CELSR1: variants seen among roughly 807,000 people sequenced by gnomAD.
CELSR1 encodes the protein adhesion G protein-coupled receptor C1.
Under a neutral mutation model 249.1 loss-of-function variants are expected in CELSR1, and 110 were observed. The ratio of observed to expected loss-of-function variants is 0.44; its 90% CI spans 0.38 to 0.52. CELSR1 has a LOEUF of 0.52. CELSR1 is among the 20% of genes least tolerant of loss of function. The pLI is 0.00. For synonymous variants in CELSR1, 2,113 were observed against 1,900.0 expected, an observed-to-expected ratio of 1.11 and a Z score of -2.92; for missense variants, 4,109 against 4,296.4, an observed-to-expected ratio of 0.96 and a Z score of 1.22.
rs1227031298 is a variant in CELSR1 at position 46,411,820 on chromosome 22, G to C, written c.4612-61C>G. 3.7e-6 allele frequency: 6 copies of C among 1,600,256 alleles called. No individual in the cohort carries two copies. The highest frequency in any genetic ancestry group is 4.5e-5 in the East Asian group (2 of 44,810). On this transcript the variant is annotated intron_variant, in intron 5 of 34. Coordinates refer to ENST00000674500, the MANE Select transcript of CELSR1 (RefSeq NM_001378328.1). This position sits in a 1 kb window ranked among gnomAD's most constrained non-coding sequence, Gnocchi z 4.2. ...TTCTCCACCAGTGCCCTCAGCAGGC[G>C]CACCTGTCACTCATAGAGCGAGGAG...
rs2078737093 is a variant in CELSR1 at position 46,364,083 on chromosome 22, G to A, written c.8948C>T (p.Pro2983Leu). 6.2e-7 allele frequency: 1 copy of A among 1,612,348 alleles called. No individual in the cohort carries two copies. Among genetic ancestry groups the A allele is most frequent in the East Asian group, 2.2e-5 (1 of 44,856 alleles). Residue 2983 changes from proline to leucine, a missense_variant, in exon 34 of 35, where the codon CCT becomes CTT. By Grantham distance (98) the Pro-to-Leu change is moderately conservative. Transcript: ENST00000674500. ...GPDCAITVKS[P>L]GREPGRDHLN... is the part of the protein sequence containing the mutation. Reference sequence around the variant, plus strand: ...GTGGTCACGCCCCGGCTCCCTCCCAGGGCTCTTGACTGTGATGGCGCAGTC... The same window carrying A: ...GTGGTCACGCCCCGGCTCCCTCCCAAGGCTCTTGACTGTGATGGCGCAGTC...
chr22:46,450,574 G>A (rs934140838), intron 2 of CELSR1, among the ~76,000 whole-genome samples: 2 of 152,350 alleles, frequency 1.3e-5, no homozygotes, highest in East Asian at 1.9e-4. Context: ...TCACACAGCT[G>A]CATGGGTGGG....
At chr22:46,514,206 T>C (rs534853497) in intron 1 of CELSR1, among the ~76,000 whole-genome samples, 5 of 152,086 alleles carry the variant, frequency 3.3e-5, no homozygotes, top group African/African-American at 9.6e-5. Flanking sequence ...TGACTGTGGG[T>C]CTTTCCCACC....
intron 1 of CELSR1, among the ~76,000 whole-genome samples, chr22:46,531,783 G>C (rs574637284): frequency 6.6e-6 from 1 of 152,188 alleles, no homozygotes; most frequent in Admixed American, 6.5e-5. Flanking sequence ...AAATAAAAGA[G>C]TAAAGAAAAC....
In CELSR1 at chr22:46,391,749, T is replaced by G. The variant is rs1300192369; in HGVS notation, c.6032A>C (p.His2011Pro). Residue 2011 changes from histidine to proline, a missense_variant, in exon 15 of 35, where the codon CAC (histidine) becomes CCC (proline). Physicochemically the swap from His to Pro is moderately conservative, Grantham distance 77 (BLOSUM62 -2). Around this residue, in one of 7 missense-constraint regions of CELSR1, gnomAD observed 1,805 missense variants for 1,831.6 expected, o/e 0.99. Transcript: ENST00000674500. The surrounding 1 kb of genome is among the most constrained non-coding windows in gnomAD (Gnocchi z 4.3). ...GGTGGCCATGTCGCAAGTGCGGCTGTGGGAGCCATGGGGGAAGCAGTCGCA... is the reference window on the plus strand; with the variant it reads ...GGTGGCCATGTCGCAAGTGCGGCTGGGGGAGCCATGGGGGAAGCAGTCGCA... ...LPCDCFPHGS[H>P]SRTCDMATGQ... 6.2e-7 allele frequency: 1 copy of G among 1,612,550 alleles called. No homozygotes were observed.
At chr22:46,466,643 G>T (rs2080099618) in intron 1 of CELSR1, among the ~76,000 whole-genome samples, 1 of 152,176 alleles carries the variant, frequency 6.6e-6, no homozygotes, top group Admixed American at 6.5e-5. Context: ...CTGGGTTTGG[G>T]ACGCTTTGTT....
At chr22:46,501,527 A>G (rs5767230) in intron 1 of CELSR1, among the ~76,000 whole-genome samples, 48,438 of 151,964 alleles carry the variant, frequency 0.32, 8,490 homozygotes, top group African/African-American at 0.47. Flanking sequence ...AGTTTTAAAC[A>G]GACATTTAAA....
intron 20 of CELSR1, among the ~76,000 whole-genome samples, chr22:46,383,200 C>G (rs942780289): frequency 1.3e-5 from 2 of 151,998 alleles, no homozygotes; most frequent in African/African-American, 4.8e-5. Context: ...AAGCATGACC[C>G]CACATCAGAG....
rs141335552 is a variant in CELSR1 at position 46,535,765 on chromosome 22, G to C, written c.1406C>G (p.Pro469Arg). 3.7e-6 allele frequency: 6 copies of C among 1,612,490 alleles called. No individual in the cohort carries two copies. The highest frequency in any genetic ancestry group is 5.1e-6 in the Non-Finnish European group (6 of 1,180,010). ...AGCCGTGTTGAGCCCCACGTCCTCG[G>C]GCACCTGGACCACGTAGTTCTGCTC... ...FSEQNYVVQV[P>R]EDVGLNTAVL... is the part of the protein sequence containing the mutation. The change falls in exon 1 of 35, where the codon CCC (proline) becomes CGC (arginine). Residue 469 changes from proline to arginine, a missense_variant. Physicochemically the swap from Pro to Arg is moderately radical, Grantham distance 103. Coordinates refer to ENST00000674500, the MANE Select transcript of CELSR1 (RefSeq NM_001378328.1).
At chr22:46,453,690 C>T (rs999077524) in intron 2 of CELSR1, among the ~76,000 whole-genome samples, 1 of 152,128 alleles carries the variant, frequency 6.6e-6, no homozygotes, top group Non-Finnish European at 1.5e-5. Flanking sequence ...CCCCCGAGGT[C>T]GTCTGGGTCA....
intron 5 of CELSR1, among the ~76,000 whole-genome samples, chr22:46,422,504 G>C (rs142152284): frequency 1.3e-5 from 2 of 149,568 alleles, no homozygotes; most frequent in African/African-American, 2.5e-5. Flanking sequence ...GAGGCCAAGG[G>C]GGGGCGGATC....
chr22:46,386,746 T>TG (rs2079038388), intron 18 of CELSR1, among the ~76,000 whole-genome samples, 161 bp from the exon 19 acceptor site: 1 of 152,072 alleles, frequency 6.6e-6, no homozygotes, highest in African/African-American at 2.4e-5. Flanking sequence ...TTTTTTGTTT[T>TG]TTGTTGTTTT....
rs1420260693 is a variant in CELSR1, at chr22:46,391,376, C to A, written c.6149-89G>T. The A allele has an allele frequency of 8.4e-7, 1 of 1,184,234 alleles. No individual in the cohort carries two copies. Among genetic ancestry groups the A allele is most frequent in the Non-Finnish European group, 1.2e-6 (1 of 823,222 alleles). 73.4% of individuals were successfully genotyped at this position (1,184,234 alleles called of 1,614,324 possible). ...ACCACTGTCTGCATGCGCCTCCCTG[C>A]AGGAGGCCCTGCTCCCACCAAGAAC... is the stretch of plus-strand genomic sequence containing the variant. On this transcript the variant is annotated intron_variant, in intron 15 of 34. Coordinates refer to ENST00000674500, the MANE Select transcript of CELSR1 (RefSeq NM_001378328.1). The surrounding 1 kb of genome is among the most constrained non-coding windows in gnomAD (Gnocchi z 4.3).
At chr22:46,443,946 A>G (rs1224764621) in intron 2 of CELSR1, among the ~76,000 whole-genome samples, 3 of 152,160 alleles carry the variant, frequency 2.0e-5, no homozygotes, top group Admixed American at 6.5e-5. Context: ...AGCACAGCAC[A>G]CTCTGGAATA....
At chr22:46,483,166 C>T (rs1268433207) in intron 1 of CELSR1, among the ~76,000 whole-genome samples, 1 of 151,996 alleles carries the variant, frequency 6.6e-6, no homozygotes. Flanking sequence ...GATAGGTAAG[C>T]AATTCTTAAA....
intron 1 of CELSR1, among the ~76,000 whole-genome samples, chr22:46,507,693 A>G (rs983580457): frequency 2.0e-5 from 3 of 151,794 alleles, no homozygotes; most frequent in African/African-American, 7.3e-5. Context: ...TCCCTCTCCC[A>G]TCCCTGAAAC....
intron 32 of CELSR1, 146 bp from the exon 33 acceptor site, chr22:46,364,882 C>G: frequency 5.9e-6 from 5 of 854,490 alleles, no homozygotes; most frequent in Non-Finnish European, 8.8e-6. Context: ...GAAACTGAGG[C>G]CCAGGAGGGC....
chr22:46,474,763 G>C (rs2080190568), intron 1 of CELSR1, among the ~76,000 whole-genome samples: 2 of 134,476 alleles, frequency 1.5e-5, no homozygotes, highest in Non-Finnish European at 3.1e-5. Flanking sequence ...CCAGATTCTG[G>C]TGACCATTAT....
chr22:46,379,001 G>A (rs138722937), intron 22 of CELSR1, among the ~76,000 whole-genome samples: 39 of 152,216 alleles, frequency 2.6e-4, no homozygotes, highest in Admixed American at 1.0e-3. Flanking sequence ...TTCTGTGTCT[G>A]GTCAGGGCCT....
Sources: allele counts gnomAD v4.1 joint callset (sites outside exome capture counted in the v4.1 genomes callset), GRCh38; gene constraint gnomAD v4.1.1; regional missense constraint gnomAD v4.1.1; non-coding constraint Gnocchi (gnomAD v3.1); transcripts MANE v1.5; gene names NCBI Gene and HGNC (gene_info 2026-07-23, HGNC 2026-07-21).